Variants in PTPN14 observed in about 807,000 individuals in gnomAD.
PTPN14 encodes the protein protein tyrosine phosphatase non-receptor type 14, also known as tyrosine-protein phosphatase non-receptor type 14.
Under a neutral mutation model 126.8 loss-of-function variants are expected in PTPN14, and 53 were observed. The observed-to-expected ratio is 0.42, with a 90% CI of 0.34 to 0.53. The LOEUF is 0.53. Among genes scored for constraint, PTPN14 ranks in the 20% least tolerant of loss-of-function variants. The pLI, the probability that PTPN14 is intolerant of heterozygous loss-of-function variation, is 0.08. For missense variants in PTPN14, 1,257 were observed against 1,552.9 expected, an observed-to-expected ratio of 0.81 and a Z score of 3.20; for synonymous variants, 630 against 599.3, an observed-to-expected ratio of 1.05 and a Z score of -0.75.
chr1:214,400,722 G>T (rs4578186), intron 7 of PTPN14, among the ~76,000 whole-genome samples: 124,874 of 152,190 alleles, frequency 0.82, 51,907 homozygotes, highest in African/African-American at 0.96. Flanking sequence ...AAGGCATTAT[G>T]GCAAGGAAAA....
chr1:214,440,901 A>C (rs1227540434), intron 3 of PTPN14, among the ~76,000 whole-genome samples: 1 of 152,206 alleles, frequency 6.6e-6, no homozygotes. Flanking sequence ...TTCAAAAATG[A>C]TCCTGGTGAA....
At chr1:214,517,986 C>T (rs183286868) in intron 1 of PTPN14, among the ~76,000 whole-genome samples, 1 of 152,122 alleles carries the variant, frequency 6.6e-6, no homozygotes, top group Admixed American at 6.5e-5. Flanking sequence ...ATATAAAGAC[C>T]TCTAAAGAAG....
intron 18 of PTPN14, among the ~76,000 whole-genome samples, chr1:214,363,795 T>C (rs1658009144): frequency 6.6e-6 from 1 of 152,166 alleles, no homozygotes; most frequent in African/African-American, 2.4e-5. Flanking sequence ...AGCTAGAAGG[T>C]AGAACTATTC....
At chr1:214,445,276 G>A (rs1283916897) in intron 3 of PTPN14, among the ~76,000 whole-genome samples, 4 of 151,998 alleles carry the variant, frequency 2.6e-5, no homozygotes, top group Non-Finnish European at 4.4e-5. Flanking sequence ...AGGTCCTGTG[G>A]GCCTGATGTG....
At chr1:214,524,590 T>A (rs895883886) in intron 1 of PTPN14, among the ~76,000 whole-genome samples, 1 of 152,062 alleles carries the variant, frequency 6.6e-6, no homozygotes, top group Non-Finnish European at 1.5e-5. Flanking sequence ...AGGTCAAGGC[T>A]GCAGTGGGCT....
intron 3 of PTPN14, among the ~76,000 whole-genome samples, chr1:214,423,342 A>AAAAG (rs1432507352): frequency 1.3e-5 from 2 of 152,074 alleles, no homozygotes; most frequent in African/African-American, 4.8e-5. Flanking sequence ...CACCCCCCAA[A>AAAAG]AAAGAAAGAT....
chr1:214,432,058 G>A (rs2102608353), intron 3 of PTPN14, among the ~76,000 whole-genome samples: 1 of 152,182 alleles, frequency 6.6e-6, no homozygotes, highest in Admixed American at 6.5e-5. Flanking sequence ...GGTGGCACAT[G>A]CCTGTAGTCC....
chr1:214,542,976 G>T (rs1044408930), intron 1 of PTPN14, among the ~76,000 whole-genome samples: 1 of 152,124 alleles, frequency 6.6e-6, no homozygotes, highest in African/African-American at 2.4e-5. Context: ...ATTTGGGGGG[G>T]AATATCAATG....
intron 16 of PTPN14, chr1:214,372,249 G>A (rs3002307): frequency 0.8 from 133,353 of 166,876 alleles, 53,891 homozygotes; most frequent in African/African-American, 0.91. Flanking sequence ...CAGGAACAAC[G>A]GCTTCTGGTC....
chr1:214,366,860 G>A (rs561014133), intron 17 of PTPN14, among the ~76,000 whole-genome samples: 2 of 151,986 alleles, frequency 1.3e-5, no homozygotes, highest in East Asian at 3.9e-4. Context: ...GTGGGCGCCT[G>A]TAGTCCCAGC....
intron 18 of PTPN14, among the ~76,000 whole-genome samples, chr1:214,362,722 G>T (rs1003474271): frequency 2.6e-5 from 4 of 152,238 alleles, no homozygotes; most frequent in African/African-American, 9.6e-5. Flanking sequence ...GGGGAAAGAA[G>T]TGGAGTGGCC....
intron 4 of PTPN14, among the ~76,000 whole-genome samples, chr1:214,412,047 T>C (rs944133693): frequency 5.3e-5 from 8 of 152,346 alleles, no homozygotes; most frequent in African/African-American, 1.9e-4. Context: ...GTTTGTTAAA[T>C]ATGCATCAAT....
chr1:214,442,991 T>A (rs1321660831), intron 3 of PTPN14, among the ~76,000 whole-genome samples: 1 of 151,958 alleles, frequency 6.6e-6, no homozygotes, highest in Non-Finnish European at 1.5e-5. Flanking sequence ...GCCAGGCTAA[T>A]TTTGTACTTT....
At chr1:214,390,956 G>T in intron 11 of PTPN14, 32 bp downstream of exon 11, 1 of 1,437,570 alleles carries the variant, frequency 7.0e-7, no homozygotes, top group Non-Finnish European at 9.4e-7. Flanking sequence ...TCAACAGTCA[G>T]ATCACTTGAT....
intron 1 of PTPN14, among the ~76,000 whole-genome samples, chr1:214,505,804 G>A (rs1170388897): frequency 1.3e-5 from 2 of 152,178 alleles, no homozygotes; most frequent in Admixed American, 1.3e-4. Context: ...GCTGAGGCAG[G>A]AGGATCACTT....
Position 214,541,928 on chromosome 1 carries a change from T to C in PTPN14, c.-155+9255A>G, listed in dbSNP as rs185042439. On this transcript the variant is annotated intron_variant, in intron 1 of 18. Transcript: ENST00000366956. ...CTCTGCTAGAGAGTGTGTACTTTAA[T>C]CATAAGCAGTTTTTAAATGAAATAT... Among the ~76,000 whole-genome samples the C allele has an allele frequency of 3.9e-5, 6 of 152,328 alleles. No homozygotes were observed. In the East Asian group the frequency reaches 1.2e-3, roughly 29 times the overall value.
chr1:214,502,846 T>C (rs74348071), intron 1 of PTPN14, among the ~76,000 whole-genome samples: 2,323 of 152,354 alleles, frequency 0.015, 51 homozygotes, highest in African/African-American at 0.053. Flanking sequence ...TGTGTTATCC[T>C]TATGTCAATT....
chr1:214,523,807 A>G (rs143282316), intron 1 of PTPN14, among the ~76,000 whole-genome samples: 23 of 151,420 alleles, frequency 1.5e-4, no homozygotes, highest in African/African-American at 4.9e-4. Flanking sequence ...TGGGGCTGGG[A>G]ATCTATTTTT....
intron 3 of PTPN14, among the ~76,000 whole-genome samples, chr1:214,431,714 C>T (rs954482037): frequency 1.3e-5 from 2 of 152,106 alleles, no homozygotes; most frequent in East Asian, 1.9e-4. Context: ...TCAAACTGTG[C>T]GGGCAAGTTA....
Sources: gnomAD v4.1 joint callset for allele counts (sites outside exome capture counted in the v4.1 genomes callset) on GRCh38, gnomAD v4.1.1 for gene constraint, MANE v1.5 for transcripts, NCBI Gene and HGNC (gene_info 2026-07-23, HGNC 2026-07-21) for gene names.